The following MYEF2 variants were observed in gnomAD, a reference collection of about 807,000 sequenced individuals.
The protein encoded by MYEF2 is myelin expression factor 2.
In MYEF2, 37 loss-of-function variants were observed where a neutral mutation model predicts 75.2. The ratio of observed to expected loss-of-function variants is 0.49; its 90% CI spans 0.38 to 0.65. The LOEUF (loss-of-function observed/expected upper bound fraction) is 0.65, where lower values mean the gene tolerates loss of function less well. Ranked by LOEUF, MYEF2 falls within the 30% of genes least tolerant of loss-of-function variation. MYEF2 has a pLI of 0.00. For synonymous variants in MYEF2, 195 were observed against 241.6 expected (o/e 0.81, Z 1.79); for missense variants, 634 against 771.4 (o/e 0.82, Z 2.11).
At chr15:48,159,466 G>T in intron 6 of MYEF2, 147 bp downstream of exon 6, 5 of 659,930 alleles carry the variant, frequency 7.6e-6, no homozygotes, top group South Asian at 5.8e-5. Context: ...ATGTATATAC[G>T]TCAATTGATT....
intron 1 of MYEF2, among the ~76,000 whole-genome samples, chr15:48,173,441 A>G (rs2040410218): frequency 6.6e-6 from 1 of 152,186 alleles, no homozygotes; most frequent in Non-Finnish European, 1.5e-5. Flanking sequence ...GGAAAAAGAG[A>G]AGATGCCCAT....
At chr15:48,172,938 C>A (rs936821440) in intron 1 of MYEF2, among the ~76,000 whole-genome samples, 1 of 152,072 alleles carries the variant, frequency 6.6e-6, no homozygotes, top group Admixed American at 6.5e-5. Context: ...GAACTAATAC[C>A]AATCCTTGTC....
At chr15:48,166,248 A>C in intron 3 of MYEF2, 120 bp from the exon 4 acceptor site, 1 of 776,484 alleles carries the variant, frequency 1.3e-6, no homozygotes, top group Admixed American at 3.0e-5. Context: ...TGGTAGAATC[A>C]CTTCATCTTT....
intron 5 of MYEF2, among the ~76,000 whole-genome samples, chr15:48,161,720 C>T (rs2039949423): frequency 1.3e-5 from 2 of 150,294 alleles, no homozygotes; most frequent in African/African-American, 2.4e-5. Flanking sequence ...ATCCAATAAA[C>T]TTTTTTTTCC....
chr15:48,151,946 T>C lies in MYEF2; in HGVS notation c.1139-4A>G, dbSNP rs760708977. The C allele has an allele frequency of 1.9e-6, 3 of 1,612,564 alleles. No individual in the cohort carries two copies. The highest frequency in any genetic ancestry group is 2.5e-6 in the Non-Finnish European group (3 of 1,178,840). ...TCCAGACCACCAAACCCTATTCCTATGGAATAAAGATTAATTTTGAGATCC... is the reference window on the plus strand; with the variant it reads ...TCCAGACCACCAAACCCTATTCCTACGGAATAAAGATTAATTTTGAGATCC... On this transcript the variant is annotated splice_region_variant and splice_polypyrimidine_tract_variant and intron_variant, in intron 11 of 16. Transcript: ENST00000324324.
At chr15:48,168,488 G>C (rs529158102) in intron 2 of MYEF2, 143 bp downstream of exon 2, 1 of 651,072 alleles carries the variant, frequency 1.5e-6, no homozygotes, top group East Asian at 2.8e-5. Flanking sequence ...AGAGAAAGAA[G>C]AGGAAAAGAT....
chr15:48,165,866 A>G, intron 5 of MYEF2, 67 bp downstream of exon 5: 1 of 1,211,920 alleles, frequency 8.3e-7, no homozygotes. Context: ...ATATTACCAA[A>G]TTGAAAATCC....
Position 48,157,965 on chromosome 15 carries a change from G to A in MYEF2, c.985+28C>T, listed in dbSNP as rs746988824. 5 of 1,611,672 alleles carry A rather than the reference G, an allele frequency of 3.1e-6. No homozygotes were observed. The African/African-American group carries it at 5.3e-5, about 17-fold the overall frequency. On this transcript the variant is annotated intron_variant, in intron 9 of 16. Coordinates refer to ENST00000324324, the MANE Select transcript of MYEF2 (RefSeq NM_016132.5). Reference sequence around the variant, plus strand: ...ATAAAACAAACCAAAAAAAGCCTATGTTGTTTCTCATAATAGCTTTTACTT... The same window carrying A: ...ATAAAACAAACCAAAAAAAGCCTATATTGTTTCTCATAATAGCTTTTACTT...
intron 10 of MYEF2, 122 bp downstream of exon 10, chr15:48,153,670 C>CA: frequency 1.4e-6 from 1 of 734,600 alleles, no homozygotes; most frequent in East Asian, 2.8e-5. Flanking sequence ...AATGAAGTGA[C>CA]ACCGTAAATA....
intron 3 of MYEF2, 47 bp downstream of exon 3, chr15:48,167,302 C>A (rs1039971390): frequency 6.3e-7 from 1 of 1,585,600 alleles, no homozygotes; most frequent in Admixed American, 1.7e-5. Context: ...AAGTAAACTG[C>A]TGAGGAACTT....
At chr15:48,177,985 T>G in intron 1 of MYEF2, 92 bp downstream of exon 1, 5 of 1,468,174 alleles carry the variant, frequency 3.4e-6, no homozygotes, top group South Asian at 2.5e-5. Context: ...CTGGGGGTGG[T>G]TGTCCCCCAT....
At chr15:48,157,780 T>C (rs1160506330) in intron 9 of MYEF2, 21 of 1,303,906 alleles carry the variant, frequency 1.6e-5, no homozygotes, top group Non-Finnish European at 2.0e-5. Context: ...TGCTGATTAG[T>C]CAGGAAAAGT....
chr15:48,159,503 C>T (rs1405789021), intron 6 of MYEF2, 110 bp downstream of exon 6: 5 of 902,002 alleles, frequency 5.5e-6, no homozygotes, highest in African/African-American at 1.7e-5. Context: ...TACTATTTCA[C>T]TTACTTTAGT....
chr15:48,159,387 C>T (rs902034383), intron 6 of MYEF2, among the ~76,000 whole-genome samples: 7 of 151,932 alleles, frequency 4.6e-5, no homozygotes, highest in African/African-American at 1.7e-4. Context: ...TGCACAGTTC[C>T]ATGTTTAAAA....
chr15:48,165,668 C>T (rs529394879), intron 5 of MYEF2, among the ~76,000 whole-genome samples: 1 of 152,050 alleles, frequency 6.6e-6, no homozygotes, highest in South Asian at 2.1e-4. Context: ...AGTTTATCCC[C>T]TTTGAATTTC....
chr15:48,159,450 A>G (rs555217221), intron 6 of MYEF2, 163 bp downstream of exon 6: 78 of 618,766 alleles, frequency 1.3e-4, no homozygotes, highest in African/African-American at 7.0e-4. Context: ...GTGTGTGTGT[A>G]TATATATGTA....
rs761625736 is a variant in MYEF2, at chr15:48,159,675, G to A, written c.655C>T (p.Pro219Ser). 6.2e-6 allele frequency: 10 copies of A among 1,613,638 alleles called. No homozygotes were observed. The Admixed American group carries it at 1.2e-4, about 19-fold the overall frequency. The stretch of plus-strand genomic sequence containing the variant: ...TGCAAATTACTGATGACTTCAGGAG[G>A]AATGTTTGGATTATTGAGTATGGAA... ...PPSILNNPNI[P>S]PEVISNLQAG... Residue 219 changes from proline (P) to serine (S), a missense_variant, in exon 6 of 17, where the codon CCT (proline) becomes TCT (serine). Coordinates refer to ENST00000324324, the MANE Select transcript of MYEF2 (RefSeq NM_016132.5).
Position 48,141,198 on chromosome 15 carries a change from G to A in MYEF2, c.*1710C>T, listed in dbSNP as rs754094053. ...GCATACCAGACACAATTGCAAGTGTGTTGGTTGCAAGAAAAGGTAAGAACT... is the reference window on the plus strand; with the variant it reads ...GCATACCAGACACAATTGCAAGTGTATTGGTTGCAAGAAAAGGTAAGAACT... On this transcript the variant is annotated 3_prime_UTR_variant, in exon 17 of 17. Coordinates refer to ENST00000324324, the MANE Select transcript of MYEF2 (RefSeq NM_016132.5). 19 of 1,613,434 alleles carry A rather than the reference G, an allele frequency of 1.2e-5. No homozygotes were observed. The highest frequency in any genetic ancestry group is 1.6e-5 in the Non-Finnish European group (19 of 1,179,418).
chr15:48,176,906 C>T (rs1332889801), intron 1 of MYEF2, among the ~76,000 whole-genome samples: 1 of 152,134 alleles, frequency 6.6e-6, no homozygotes, highest in Non-Finnish European at 1.5e-5. Context: ...AAGATGCTGC[C>T]GATCCTGTTC....
Sources: allele counts gnomAD v4.1 joint callset (sites outside exome capture counted in the v4.1 genomes callset), GRCh38; gene constraint gnomAD v4.1.1; transcripts MANE v1.5; gene names NCBI Gene and HGNC (gene_info 2026-07-23, HGNC 2026-07-21).